The following DNAJC6 variants were observed in gnomAD, a reference collection of about 807,000 sequenced individuals.
DNAJC6 encodes DnaJ heat shock protein family (Hsp40) member C6.
In DNAJC6, 34 loss-of-function variants were observed where a neutral mutation model predicts 110.0. That is an observed-to-expected ratio of 0.31 (90% CI 0.24 to 0.41). DNAJC6 has a LOEUF of 0.41. Ranked by LOEUF, DNAJC6 falls within the 10% of genes least tolerant of loss-of-function variation. The probability of loss-of-function intolerance (pLI) is 1.00; values close to 1 mark genes in which losing one functional copy is unlikely to be tolerated. For synonymous variants in DNAJC6, 406 were observed against 437.2 expected (o/e 0.93, Z 0.89); for missense variants, 1,031 against 1,207.8 (o/e 0.85, Z 2.17).
intron 1 of DNAJC6, among the ~76,000 whole-genome samples, chr1:65,284,016 C>G (rs1276560990): frequency 6.6e-6 from 1 of 152,128 alleles, no homozygotes; most frequent in Non-Finnish European, 1.5e-5. Flanking sequence ...ACTTCTCTTT[C>G]TTCTCTCCCC....
At chr1:65,365,819 T>C in intron 2 of DNAJC6, 66 bp from the exon 3 acceptor site, 1 of 1,563,304 alleles carries the variant, frequency 6.4e-7, no homozygotes, top group South Asian at 1.2e-5. Flanking sequence ...CGCAAGTGAT[T>C]GAGAGAGAGA....
intron 1 of DNAJC6, among the ~76,000 whole-genome samples, chr1:65,269,187 G>A (rs548890905): frequency 9.9e-5 from 15 of 152,104 alleles, no homozygotes; most frequent in Admixed American, 2.6e-4. Context: ...GGCCAACATG[G>A]TGAAACCCCC....
intron 1 of DNAJC6, among the ~76,000 whole-genome samples, chr1:65,269,375 A>G (rs1310365368): frequency 6.6e-6 from 1 of 152,096 alleles, no homozygotes; most frequent in African/African-American, 2.4e-5. Flanking sequence ...CTCAAAAAAA[A>G]AAAAAAAAGT....
intron 1 of DNAJC6, among the ~76,000 whole-genome samples, chr1:65,288,308 A>G (rs1654087531): frequency 6.6e-6 from 1 of 152,222 alleles, no homozygotes; most frequent in African/African-American, 2.4e-5. Flanking sequence ...CTCTGAATTC[A>G]TAAGAAAGTT....
intron 1 of DNAJC6, among the ~76,000 whole-genome samples, chr1:65,344,225 C>G (rs1393409854): frequency 6.6e-6 from 1 of 152,156 alleles, no homozygotes; most frequent in Admixed American, 6.6e-5. Flanking sequence ...TCCAGGGGTC[C>G]TTACAATAAT....
In DNAJC6 at chr1:65,347,619, C is replaced by T. The variant is rs114521173; in HGVS notation, c.194-17016C>T. Among the ~76,000 whole-genome samples the T allele has an allele frequency of 1.6e-3, 241 of 152,076 alleles. 1 individual carries two copies. The highest frequency in any genetic ancestry group is 5.7e-3 in the African/African-American group (235 of 41,492). ...ATATAGGTAATGTTTATATTTATATCTGAATGAAACCTTTTTTCATAAATT... is the reference window on the plus strand; with the variant it reads ...ATATAGGTAATGTTTATATTTATATTTGAATGAAACCTTTTTTCATAAATT... On this transcript the variant is annotated intron_variant, in intron 1 of 18. Coordinates refer to ENST00000371069, the MANE Select transcript of DNAJC6 (RefSeq NM_001256864.2).
At chr1:65,396,834 A>G (rs1047448903) in intron 13 of DNAJC6, among the ~76,000 whole-genome samples, 2 of 152,216 alleles carry the variant, frequency 1.3e-5, no homozygotes, top group African/African-American at 2.4e-5. Context: ...GCTGCTATCT[A>G]TCTTTCCAAT....
chr1:65,364,967 G>C (rs1645632336), intron 2 of DNAJC6, among the ~76,000 whole-genome samples, 182 bp downstream of exon 2: 1 of 152,098 alleles, frequency 6.6e-6, no homozygotes, highest in African/African-American at 2.4e-5. Flanking sequence ...ATAAGCACGG[G>C]CTGGGAGGAC....
chr1:65,284,885 A>G (rs1349873785), intron 1 of DNAJC6, among the ~76,000 whole-genome samples: 1 of 151,750 alleles, frequency 6.6e-6, no homozygotes, highest in Non-Finnish European at 1.5e-5. Context: ...ATGGGGTTTC[A>G]CCACGTTGGC....
Position 65,385,745 on chromosome 1 carries a change from C to T in DNAJC6, c.834C>T (p.Asp278=). The T allele has an allele frequency of 6.2e-7, 1 of 1,612,494 alleles. No individual in the cohort carries two copies. Among genetic ancestry groups the T allele is most frequent in the Non-Finnish European group, 8.5e-7 (1 of 1,178,782 alleles). The change falls in exon 7 of 19, where the codon GAC becomes GAT. Residue 278 remains aspartate, a synonymous_variant. Coordinates refer to ENST00000371069, the MANE Select transcript of DNAJC6 (RefSeq NM_001256864.2). ...GCTATATGTGTGACCTACTGGCAGA[C>T]AAGCCCTACCGCCCTCACTTCAAGC... ...YLGYMCDLLA[D]KPYRPHFKPL...
chr1:65,365,075 A>G (rs1260218266), intron 2 of DNAJC6, among the ~76,000 whole-genome samples: 1 of 152,072 alleles, frequency 6.6e-6, no homozygotes, highest in East Asian at 1.9e-4. Flanking sequence ...GTTAACTAAG[A>G]GCCCTCAGGC....
intron 1 of DNAJC6, among the ~76,000 whole-genome samples, chr1:65,332,537 T>C (rs1645298229): frequency 6.6e-6 from 1 of 152,162 alleles, no homozygotes; most frequent in South Asian, 2.1e-4. Context: ...CAGCAATGAC[T>C]CCCCTCCCCT....
chr1:65,322,989 C>T (rs1645210193), intron 1 of DNAJC6, among the ~76,000 whole-genome samples: 2 of 152,194 alleles, frequency 1.3e-5, no homozygotes, highest in Non-Finnish European at 2.9e-5. Flanking sequence ...ACTTGTTTTT[C>T]ATGAATAACC....
At chr1:65,315,317 G>T (rs774110038) in intron 1 of DNAJC6, among the ~76,000 whole-genome samples, 3 of 151,278 alleles carry the variant, frequency 2.0e-5, no homozygotes, top group African/African-American at 2.4e-5. Context: ...CACAACAGGG[G>T]TTTTCACCAA....
chr1:65,269,741 A>G (rs1653446084), intron 1 of DNAJC6, among the ~76,000 whole-genome samples: 1 of 152,084 alleles, frequency 6.6e-6, no homozygotes, highest in Non-Finnish European at 1.5e-5. Context: ...TTAAGCTGGG[A>G]TTAGAGACTG....
chr1:65,293,294 G>A (rs1644898064), intron 1 of DNAJC6, among the ~76,000 whole-genome samples: 1 of 152,154 alleles, frequency 6.6e-6, no homozygotes, highest in Non-Finnish European at 1.5e-5. Flanking sequence ...GGGTAGATGG[G>A]GTGTGTGTGA....
At chr1:65,280,433 A>C (rs1653809567) in intron 1 of DNAJC6, among the ~76,000 whole-genome samples, 1 of 152,196 alleles carries the variant, frequency 6.6e-6, no homozygotes, top group Non-Finnish European at 1.5e-5. Flanking sequence ...TCAGTTATTA[A>C]AAGAAGATTT....
At chr1:65,347,415 T>C (rs562390451) in intron 1 of DNAJC6, among the ~76,000 whole-genome samples, 3 of 152,148 alleles carry the variant, frequency 2.0e-5, no homozygotes, top group East Asian at 3.9e-4. Context: ...CTTTTTTTTT[T>C]TTACTTCATC....
chr1:65,313,903 C>T (rs114188536), intron 1 of DNAJC6, among the ~76,000 whole-genome samples: 134 of 152,192 alleles, frequency 8.8e-4, no homozygotes, highest in African/African-American at 2.8e-3. Flanking sequence ...ATCCCAATGC[C>T]GAAAACCCCC....
Sources: gnomAD v4.1 joint callset for allele counts (sites outside exome capture counted in the v4.1 genomes callset) on GRCh38, gnomAD v4.1.1 for gene constraint, MANE v1.5 for transcripts, NCBI Gene and HGNC (gene_info 2026-07-23, HGNC 2026-07-21) for gene names.